Variants in TLE1 observed in about 807,000 individuals in gnomAD.
TLE1 encodes transducin-like enhancer protein 1.
In TLE1, 21 loss-of-function variants were observed where a neutral mutation model predicts 89.8. The observed-to-expected ratio is 0.23, with a 90% CI of 0.17 to 0.34. The LOEUF is 0.34. Among genes scored for constraint, TLE1 ranks in the 10% least tolerant of loss-of-function variants. TLE1 has a pLI of 1.00. For synonymous variants in TLE1, 447 were observed against 407.6 expected, an observed-to-expected ratio of 1.10 and a Z score of -1.16; for missense variants, 795 against 1,031.2, an observed-to-expected ratio of 0.77 and a Z score of 3.14.
At chr9:81,653,319 A>T (rs1829782115) in intron 5 of TLE1, among the ~76,000 whole-genome samples, 1 of 152,204 alleles carries the variant, frequency 6.6e-6, no homozygotes, top group African/African-American at 2.4e-5. Context: ...AACACGTTAC[A>T]GCATTTACTA....
intron 2 of TLE1, 64 bp from the exon 3 acceptor site, chr9:81,685,960 C>T: frequency 6.4e-7 from 1 of 1,559,628 alleles, no homozygotes; most frequent in Non-Finnish European, 8.8e-7. Context: ...ATCTGCCTCA[C>T]ATATTTGCAC....
chr9:81,586,070 T>C (rs1828389562), intron 17 of TLE1, among the ~76,000 whole-genome samples: 1 of 145,504 alleles, frequency 6.9e-6, no homozygotes, highest in Non-Finnish European at 1.5e-5. Flanking sequence ...CAGGCTGGAG[T>C]GAAGCGGCGT....
intron 6 of TLE1, among the ~76,000 whole-genome samples, chr9:81,650,360 C>T (rs949431631): frequency 6.6e-6 from 1 of 152,114 alleles, no homozygotes; most frequent in Admixed American, 6.6e-5. Flanking sequence ...AATTATATGT[C>T]GTAATGTAGA....
chr9:81,628,655 G>C (rs991186497), intron 8 of TLE1, among the ~76,000 whole-genome samples: 6 of 152,174 alleles, frequency 3.9e-5, no homozygotes, highest in African/African-American at 1.4e-4. Flanking sequence ...GGTGATGTTT[G>C]TCATAATTAT....
At chr9:81,661,916 T>C (rs1830845003) in intron 4 of TLE1, among the ~76,000 whole-genome samples, 1 of 152,164 alleles carries the variant, frequency 6.6e-6, no homozygotes, top group Non-Finnish European at 1.5e-5. Flanking sequence ...GGAACAATCA[T>C]ACGTTACTGA....
intron 4 of TLE1, among the ~76,000 whole-genome samples, chr9:81,660,232 A>G (rs1272707002): frequency 7.2e-5 from 11 of 151,888 alleles, no homozygotes; most frequent in African/African-American, 2.7e-4. Flanking sequence ...TATACTTTCA[A>G]AGTCATGCCT....
intron 15 of TLE1, 96 bp from the exon 16 acceptor site, chr9:81,591,148 G>A: frequency 1.3e-6 from 2 of 1,484,620 alleles, no homozygotes; most frequent in Non-Finnish European, 1.8e-6. Flanking sequence ...AGTTAAGAGT[G>A]GTGTTTCATG....
At chr9:81,604,535 C>T (rs890080178) in intron 14 of TLE1, among the ~76,000 whole-genome samples, 1 of 152,182 alleles carries the variant, frequency 6.6e-6, no homozygotes, top group African/African-American at 2.4e-5. Context: ...TCCAGGGAGA[C>T]AGATTCAGCT....
chr9:81,592,722 T>C (rs1829715063), intron 15 of TLE1, among the ~76,000 whole-genome samples: 6 of 152,230 alleles, frequency 3.9e-5, no homozygotes, highest in Admixed American at 3.9e-4. Flanking sequence ...AGTTGTGCTT[T>C]TGTCCATTAA....
intron 14 of TLE1, among the ~76,000 whole-genome samples, chr9:81,606,267 C>T (rs1467917283): frequency 6.6e-6 from 1 of 152,208 alleles, no homozygotes; most frequent in Non-Finnish European, 1.5e-5. Context: ...CATCCCATTA[C>T]TGGGTGTATA....
At chr9:81,684,172 C>A (rs996558720) in intron 4 of TLE1, among the ~76,000 whole-genome samples, 1 of 151,448 alleles carries the variant, frequency 6.6e-6, no homozygotes, top group African/African-American at 2.4e-5. Context: ...AAGATTAAAC[C>A]GCCTAGGCCA....
At position 81,688,352 on chromosome 9, in the gene TLE1, G is replaced by C. The variant is rs115757298; in HGVS notation, c.-112C>G. The C allele has an allele frequency of 2.4e-6, 3 of 1,239,164 alleles. No individual in the cohort carries two copies. The highest frequency in any genetic ancestry group is 7.9e-5 in the Admixed American group (2 of 25,198). 76.8% of individuals were successfully genotyped at this position (1,239,164 alleles called of 1,614,324 possible). A position where few individuals can be genotyped will look rare whatever the true frequency, so the allele number is the denominator to read the frequency against. On this transcript the variant is annotated 5_prime_UTR_variant, in exon 1 of 20. Coordinates refer to ENST00000376499, the MANE Select transcript of TLE1 (RefSeq NM_005077.5). Reference sequence around the variant, plus strand: ...CCGGAAAGCCAAGCAGAAGCGGGGAGCGCGCTGGCCACGCACGCGCGCTCC... The same window carrying C: ...CCGGAAAGCCAAGCAGAAGCGGGGACCGCGCTGGCCACGCACGCGCGCTCC...
At chr9:81,624,189 TAACCA>T (rs1825640369) in intron 8 of TLE1, among the ~76,000 whole-genome samples, 1 of 152,214 alleles carries the variant, frequency 6.6e-6, no homozygotes, top group Non-Finnish European at 1.5e-5. Flanking sequence ...ACCTACCTCC[TAACCA>T]ACAGAATGCC....
chr9:81,630,584 A>G (rs1284166169), intron 8 of TLE1, among the ~76,000 whole-genome samples: 4 of 152,172 alleles, frequency 2.6e-5, no homozygotes, highest in Non-Finnish European at 4.4e-5. Context: ...AGGGCCCTCA[A>G]TAATTTGATT....
chr9:81,671,657 GA>G (rs74213360), intron 4 of TLE1, among the ~76,000 whole-genome samples: 9 of 150,382 alleles, frequency 6.0e-5, no homozygotes, highest in African/African-American at 1.2e-4. Flanking sequence ...AAAAAAAAAA[GA>G]AAAAAAATCT....
chr9:81,649,243 T>C (rs1163376922), intron 6 of TLE1, among the ~76,000 whole-genome samples: 2 of 152,182 alleles, frequency 1.3e-5, no homozygotes, highest in East Asian at 3.9e-4. Context: ...TAAAATTCAG[T>C]ATTTTTTGTC....
chr9:81,652,056 A>C (rs1473474734), intron 6 of TLE1, 158 bp downstream of exon 6: 7 of 648,114 alleles, frequency 1.1e-5, no homozygotes, highest in African/African-American at 7.3e-5. Flanking sequence ...GCACATCCCA[A>C]GTCTCTTCCT....
chr9:81,584,199 C>T lies in TLE1; in HGVS notation c.2312G>A (p.Ter771=). Residue 771 remains the stop codon, a stop_retained_variant, in exon 20 of 20, where the codon TGA becomes TAA. Coordinates refer to ENST00000376499, the MANE Select transcript of TLE1 (RefSeq NM_005077.5). ...KKATVYEVIY[*] ...TAAACGTTAAACCACATAATGTTTTCAGTAGATGACTTCATAGACTGTAGC... is the reference window on the plus strand; with the variant it reads ...TAAACGTTAAACCACATAATGTTTTTAGTAGATGACTTCATAGACTGTAGC... 6.2e-7 allele frequency: 1 copy of T among 1,612,366 alleles called. No homozygotes were observed. The highest frequency in any genetic ancestry group is 8.5e-7 in the Non-Finnish European group (1 of 1,178,380).
At chr9:81,645,650 G>A (rs1828766468) in intron 6 of TLE1, among the ~76,000 whole-genome samples, 1 of 150,880 alleles carries the variant, frequency 6.6e-6, no homozygotes, top group African/African-American at 2.4e-5. Flanking sequence ...TGAGGCAGGA[G>A]AACCGCTTGA....
Sources: allele counts gnomAD v4.1 joint callset (sites outside exome capture counted in the v4.1 genomes callset), GRCh38; gene constraint gnomAD v4.1.1; transcripts MANE v1.5; gene names NCBI Gene and HGNC (gene_info 2026-07-23, HGNC 2026-07-21).